The following SPAG16 variants were observed in gnomAD, a reference collection of about 807,000 sequenced individuals.
The protein encoded by SPAG16 is sperm-associated antigen 16 protein.
A neutral mutation model predicts 80.4 loss-of-function variants in SPAG16; 86 were observed. The ratio of observed to expected loss-of-function variants is 1.07; its 90% CI spans 0.90 to 1.28. The LOEUF (loss-of-function observed/expected upper bound fraction) is 1.28. Among genes scored for constraint, SPAG16 ranks in the 50% most tolerant of loss-of-function variants. The probability of loss-of-function intolerance (pLI) is 0.00; values close to 1 mark genes in which losing one functional copy is unlikely to be tolerated. For synonymous variants in SPAG16, 294 were observed against 265.9 expected (o/e 1.11, Z -1.03); for missense variants, 870 against 765.3 (o/e 1.14, Z -1.61).
intron 15 of SPAG16, among the ~76,000 whole-genome samples, chr2:214,189,333 T>TA (rs960145291): frequency 7.0e-4 from 104 of 149,342 alleles, no homozygotes; most frequent in African/African-American, 9.8e-4. Flanking sequence ...CAGTTCACAT[T>TA]AAAAAAAAAA....
intron 15 of SPAG16, among the ~76,000 whole-genome samples, chr2:214,196,267 CT>C (rs2057835914): frequency 6.6e-6 from 1 of 151,988 alleles, no homozygotes; most frequent in African/African-American, 2.4e-5. Context: ...CGTTTTCTCC[CT>C]GTGGAGCCTT....
intron 10 of SPAG16, among the ~76,000 whole-genome samples, chr2:213,605,746 C>T (rs1197284677): frequency 1.3e-5 from 2 of 152,056 alleles, no homozygotes; most frequent in Non-Finnish European, 1.5e-5. Flanking sequence ...GCCTCGGCCT[C>T]CCAAAGTGCT....
chr2:213,803,143 A>G (rs760510896), intron 10 of SPAG16, among the ~76,000 whole-genome samples: 8 of 152,228 alleles, frequency 5.3e-5, no homozygotes, highest in African/African-American at 1.7e-4. Flanking sequence ...CAAGAAATGT[A>G]TGTATCCTAC....
intron 12 of SPAG16, among the ~76,000 whole-genome samples, chr2:214,012,288 A>ATTTTTTTTTTTTTTTTT (rs778689045): frequency 1.1e-4 from 5 of 46,818 alleles, no homozygotes; most frequent in African/African-American, 2.5e-4. Flanking sequence ...ATATATATAT[A>ATTTTTTTTTTTTTTTTT]TTTTTTTTTT....
chr2:213,677,389 C>T (rs2125245178), intron 10 of SPAG16, among the ~76,000 whole-genome samples: 1 of 152,172 alleles, frequency 6.6e-6, no homozygotes, highest in South Asian at 2.1e-4. Flanking sequence ...CATGCAGAGA[C>T]ACACATAGGC....
intron 8 of SPAG16, among the ~76,000 whole-genome samples, chr2:213,373,514 C>T (rs189767599): frequency 1.3e-5 from 2 of 152,210 alleles, no homozygotes; most frequent in Non-Finnish European, 2.9e-5. Context: ...TACACATAAA[C>T]CATGCCCTTT....
chr2:213,591,027 G>C (rs1055673886), intron 10 of SPAG16, among the ~76,000 whole-genome samples: 1 of 152,124 alleles, frequency 6.6e-6, no homozygotes, highest in Non-Finnish European at 1.5e-5. Context: ...ACTATCCTAA[G>C]CAAATTAACA....
chr2:214,103,609 C>A (rs2053204845), intron 13 of SPAG16, among the ~76,000 whole-genome samples: 1 of 152,104 alleles, frequency 6.6e-6, no homozygotes, highest in Admixed American at 6.5e-5. Flanking sequence ...AAACAGAAAG[C>A]ACAAAGGCGG....
intron 14 of SPAG16, among the ~76,000 whole-genome samples, chr2:214,131,724 A>G (rs2054792834): frequency 1.3e-5 from 2 of 152,232 alleles, no homozygotes; most frequent in African/African-American, 4.8e-5. Flanking sequence ...TACATACTGT[A>G]TGACTCCAAC....
chr2:214,032,882 C>A (rs1007459846), intron 13 of SPAG16, among the ~76,000 whole-genome samples: 1 of 152,040 alleles, frequency 6.6e-6, no homozygotes, highest in Non-Finnish European at 1.5e-5. Flanking sequence ...TAATCTAAGC[C>A]TCAGGAACAG....
At chr2:214,106,460 A>G (rs2053388565) in intron 13 of SPAG16, among the ~76,000 whole-genome samples, 1 of 152,196 alleles carries the variant, frequency 6.6e-6, no homozygotes, top group Non-Finnish European at 1.5e-5. Flanking sequence ...TGTGAAATTT[A>G]AATTTATGTG....
chr2:214,366,970 C>T (rs1394623991), intron 15 of SPAG16, among the ~76,000 whole-genome samples: 1 of 152,106 alleles, frequency 6.6e-6, no homozygotes, highest in Non-Finnish European at 1.5e-5. Context: ...CCCAATTACA[C>T]AGAGGTGGTA....
At chr2:214,124,265 T>A (rs1446059913) in intron 14 of SPAG16, among the ~76,000 whole-genome samples, 3 of 150,288 alleles carry the variant, frequency 2.0e-5, no homozygotes, top group Admixed American at 7.4e-5. Flanking sequence ...AATATTTTAT[T>A]TTTTTATAAG....
chr2:214,008,910 A>T (rs1304230049), intron 12 of SPAG16, among the ~76,000 whole-genome samples: 1 of 152,128 alleles, frequency 6.6e-6, no homozygotes, highest in Non-Finnish European at 1.5e-5. Context: ...TTGGTAGTAG[A>T]ACTCTACTTT....
intron 15 of SPAG16, among the ~76,000 whole-genome samples, chr2:214,310,398 C>T (rs1206533246): frequency 6.6e-6 from 1 of 152,150 alleles, no homozygotes; most frequent in Non-Finnish European, 1.5e-5. Context: ...TCACTCTCTT[C>T]TAGGAGGCCA....
intron 15 of SPAG16, among the ~76,000 whole-genome samples, chr2:214,375,394 A>AT (rs1471609721): frequency 6.6e-6 from 1 of 151,968 alleles, no homozygotes; most frequent in African/African-American, 2.4e-5. Flanking sequence ...TTTCTCTTCT[A>AT]TTTTTTCGTT....
intron 10 of SPAG16, among the ~76,000 whole-genome samples, chr2:213,818,735 G>C (rs947452222): frequency 1.3e-5 from 2 of 152,158 alleles, no homozygotes; most frequent in African/African-American, 4.8e-5. Context: ...CCTAGTGGGA[G>C]GTGATTGTAC....
At chr2:213,521,780 T>G (rs2075681387) in intron 10 of SPAG16, among the ~76,000 whole-genome samples, 1 of 152,236 alleles carries the variant, frequency 6.6e-6, no homozygotes, top group Non-Finnish European at 1.5e-5. Context: ...CATTTTACAT[T>G]TATAGTACTC....
At chr2:214,180,708 T>G (rs2125668934) in intron 15 of SPAG16, among the ~76,000 whole-genome samples, 1 of 151,810 alleles carries the variant, frequency 6.6e-6, no homozygotes, top group Admixed American at 6.6e-5. Flanking sequence ...ACACATATTT[T>G]TATAATTAAG....
Sources: allele counts gnomAD v4.1 joint callset (sites outside exome capture counted in the v4.1 genomes callset), GRCh38; gene constraint gnomAD v4.1.1; transcripts MANE v1.5; gene names NCBI Gene and HGNC (gene_info 2026-07-23, HGNC 2026-07-21).